Variants in PIK3C2G observed in about 807,000 individuals in gnomAD.
PIK3C2G encodes phosphatidylinositol-4-phosphate 3-kinase catalytic subunit type 2 gamma.
In PIK3C2G, 168 loss-of-function variants were observed where a neutral mutation model predicts 181.1. That is an observed-to-expected ratio of 0.93 (90% CI 0.82 to 1.05). PIK3C2G has a LOEUF of 1.05. Among genes scored for constraint, PIK3C2G ranks in the 50% least tolerant of loss-of-function variants. The pLI, the probability that PIK3C2G is intolerant of heterozygous loss-of-function variation, is 0.00. For synonymous variants in PIK3C2G, 573 were observed against 592.2 expected, an observed-to-expected ratio of 0.97 and a Z score of 0.47; for missense variants, 1,869 against 1,732.8, an observed-to-expected ratio of 1.08 and a Z score of -1.40.
At chr12:18,719,387 C>T in the PIK3C2G span, 47 of 1,192,938 alleles carry the variant, frequency 3.9e-5, no homozygotes, top group African/African-American at 7.2e-4. Flanking sequence ...CCAGGAACTT[C>T]CAAGTATTTT....
At chr12:18,603,184 A>T (rs1447476038) in intron 30 of PIK3C2G, among the ~76,000 whole-genome samples, 1 of 152,200 alleles carries the variant, frequency 6.6e-6, no homozygotes, top group Non-Finnish European at 1.5e-5. Context: ...AAACAATCAA[A>T]TATTCAGGAA....
At chr12:18,417,275 T>C (rs1292640785) in intron 16 of PIK3C2G, among the ~76,000 whole-genome samples, 1 of 152,224 alleles carries the variant, frequency 6.6e-6, no homozygotes, top group Non-Finnish European at 1.5e-5. Flanking sequence ...AGATAGAATT[T>C]ACTCCTGGTG....
intron 5 of PIK3C2G, among the ~76,000 whole-genome samples, chr12:18,303,139 T>TTTTTC (rs1555153606): frequency 1.6e-5 from 2 of 128,660 alleles, no homozygotes; most frequent in African/African-American, 6.0e-5. Flanking sequence ...TCTTTCTTTC[T>TTTTTC]TTTCTTTTCT....
intron 31 of PIK3C2G, among the ~76,000 whole-genome samples, chr12:18,613,363 A>G (rs1484070458): frequency 2.6e-5 from 4 of 152,074 alleles, no homozygotes; most frequent in South Asian, 2.1e-4. Context: ...AGACAACTCA[A>G]AGGTGGTACC....
At chr12:18,420,102 T>A (rs1417516674) in intron 16 of PIK3C2G, among the ~76,000 whole-genome samples, 1 of 152,136 alleles carries the variant, frequency 6.6e-6, no homozygotes, top group Non-Finnish European at 1.5e-5. Flanking sequence ...CTTGTTAATT[T>A]TTTTCTAAAA....
chr12:18,707,297 A>C, the PIK3C2G span, among the ~76,000 whole-genome samples: 1 of 152,146 alleles, frequency 6.6e-6, no homozygotes, highest in Non-Finnish European at 1.5e-5. Flanking sequence ...CCACTGACTC[A>C]CTCTGATCCC....
rs1325391397 is a variant in PIK3C2G, at chr12:18,338,534, C to T, written c.1381C>T (p.Gln461Ter). The T allele has an allele frequency of 6.3e-7, 1 of 1,591,314 alleles. No homozygotes were observed. Among genetic ancestry groups the T allele is most frequent in the East Asian group, 2.2e-5 (1 of 44,710 alleles). Residue 461 changes from glutamine to a stop codon, truncating the protein, a stop_gained, in exon 9 of 33, where the codon CAG becomes TAG. Transcript: ENST00000538779. LOFTEE classifies it high-confidence loss of function. Reference protein sequence around the residue: ...DAVNELSLILQRKGENFYQSS... With the variant: ...DAVNELSLIL ...AGTAAATGAACTAAGTCTAATTCTT[C>T]AGAGAAAAGGAGAGGTAAGTACATT...
chr12:18,657,867 T>C, the PIK3C2G span, among the ~76,000 whole-genome samples: 1 of 152,158 alleles, frequency 6.6e-6, no homozygotes, highest in African/African-American at 2.4e-5. Flanking sequence ...AGCTCATCTA[T>C]TGGACTTACT....
chr12:18,279,118 G>A (rs544450204), intron 1 of PIK3C2G, among the ~76,000 whole-genome samples: 2 of 152,018 alleles, frequency 1.3e-5, no homozygotes, highest in East Asian at 3.9e-4. Context: ...CAAAATCCAG[G>A]CATGCTCTAC....
chr12:18,327,764 C>G (rs372963183), intron 8 of PIK3C2G, among the ~76,000 whole-genome samples: 4 of 152,006 alleles, frequency 2.6e-5, no homozygotes, highest in African/African-American at 7.2e-5. Context: ...ATCCTCCCCC[C>G]CAAGGTATCA....
At chr12:18,655,071 G>A in the PIK3C2G span, among the ~76,000 whole-genome samples, 3 of 151,546 alleles carry the variant, frequency 2.0e-5, no homozygotes, top group African/African-American at 7.3e-5. Context: ...AAATACCAGA[G>A]GCTTTTGATG....
chr12:18,705,188 G>T, the PIK3C2G span: 1 of 1,614,012 alleles, frequency 6.2e-7, no homozygotes, highest in Non-Finnish European at 8.5e-7. Context: ...TAGAGTATCA[G>T]GAAAATCATC....
intron 29 of PIK3C2G, among the ~76,000 whole-genome samples, chr12:18,582,821 G>A (rs1050406169): frequency 3.3e-5 from 5 of 151,826 alleles, no homozygotes; most frequent in African/African-American, 1.2e-4. Flanking sequence ...TCTTTTTTAT[G>A]TGGGACCCTG....
chr12:18,719,525 G>A, the PIK3C2G span: 19 of 1,584,864 alleles, frequency 1.2e-5, no homozygotes, highest in Admixed American at 3.3e-4. Context: ...TTTAATGGAT[G>A]AGTCATATCT....
chr12:18,583,621 G>C (rs1348884159), intron 29 of PIK3C2G, among the ~76,000 whole-genome samples: 1 of 152,124 alleles, frequency 6.6e-6, no homozygotes, highest in Non-Finnish European at 1.5e-5. Flanking sequence ...CAGAAAAGTG[G>C]ACATACTGTT....
chr12:18,306,553 A>G (rs1308539926), intron 5 of PIK3C2G, among the ~76,000 whole-genome samples: 1 of 152,046 alleles, frequency 6.6e-6, no homozygotes, highest in Non-Finnish European at 1.5e-5. Flanking sequence ...GGGCTATTTT[A>G]TTAGTTGCAA....
intron 16 of PIK3C2G, among the ~76,000 whole-genome samples, chr12:18,413,241 T>C (rs1287701370): frequency 6.6e-6 from 1 of 152,166 alleles, no homozygotes; most frequent in Non-Finnish European, 1.5e-5. Flanking sequence ...AGAGACTCAA[T>C]TGTTAGCTCA....
intron 24 of PIK3C2G, among the ~76,000 whole-genome samples, chr12:18,529,114 C>A (rs1943405062): frequency 7.1e-6 from 1 of 141,154 alleles, no homozygotes; most frequent in Non-Finnish European, 1.5e-5. Flanking sequence ...CTTTTTCCAG[C>A]ATTGGGATAG....
At chr12:18,614,267 G>A (rs1403742945) in intron 31 of PIK3C2G, among the ~76,000 whole-genome samples, 1 of 152,082 alleles carries the variant, frequency 6.6e-6, no homozygotes, top group East Asian at 1.9e-4. Flanking sequence ...GGATAGTGAA[G>A]AGTACCTGTC....
Sources: allele counts gnomAD v4.1 joint callset (sites outside exome capture counted in the v4.1 genomes callset), GRCh38; gene constraint gnomAD v4.1.1; transcripts MANE v1.5; gene names NCBI Gene and HGNC (gene_info 2026-07-23, HGNC 2026-07-21).